The following TMCC1 variants were observed in gnomAD, a reference collection of about 807,000 sequenced individuals.
TMCC1 encodes the protein transmembrane and coiled-coil domains protein 1.
Under a neutral mutation model 52.4 loss-of-function variants are expected in TMCC1, and 15 were observed. The observed-to-expected ratio is 0.29, with a 90% CI of 0.19 to 0.44. The LOEUF is 0.44. TMCC1 is among the 20% of genes least tolerant of loss of function. The pLI, the probability that TMCC1 is intolerant of heterozygous loss-of-function variation, is 1.00. For synonymous variants in TMCC1, 279 were observed against 301.9 expected (o/e 0.92, Z 0.79); for missense variants, 503 against 806.0 (o/e 0.62, Z 4.55).
intron 4 of TMCC1, among the ~76,000 whole-genome samples, chr3:129,777,233 C>T (rs896211987): frequency 9.2e-5 from 14 of 152,096 alleles, no homozygotes; most frequent in East Asian, 1.9e-4. Context: ...ATCTGCAATA[C>T]GATAGGCCGT....
chr3:129,688,745 C>T, intron 4 of TMCC1: 1 of 985,436 alleles, frequency 1.0e-6, no homozygotes, highest in African/African-American at 1.7e-5. Context: ...AATAGTTTGA[C>T]TCTGAGAATG....
intron 2 of TMCC1, among the ~76,000 whole-genome samples, chr3:129,856,534 G>A (rs977951107): frequency 2.6e-5 from 4 of 152,196 alleles, no homozygotes; most frequent in African/African-American, 2.4e-5. Context: ...ATGAATCAAC[G>A]AATAATGCAT....
At chr3:129,662,909 T>C (rs2087151929) in intron 5 of TMCC1, among the ~76,000 whole-genome samples, 1 of 152,184 alleles carries the variant, frequency 6.6e-6, no homozygotes, top group Non-Finnish European at 1.5e-5. Flanking sequence ...ACAGAAAGCC[T>C]TTGCACTGTA....
intron 2 of TMCC1, among the ~76,000 whole-genome samples, chr3:129,843,675 T>A (rs72987370): frequency 0.097 from 14,774 of 151,802 alleles, 847 homozygotes; most frequent in Middle Eastern, 0.16. Flanking sequence ...CTACAAAAAA[T>A]ATAGAAGGAA....
At chr3:129,673,070 T>C (rs979246830) in intron 4 of TMCC1, among the ~76,000 whole-genome samples, 12 of 152,270 alleles carry the variant, frequency 7.9e-5, no homozygotes, top group African/African-American at 2.9e-4. Context: ...AATTTAATAC[T>C]GAAATTAATG....
intron 6 of TMCC1, among the ~76,000 whole-genome samples, chr3:129,653,461 T>C (rs929800063): frequency 4.6e-5 from 7 of 152,252 alleles, no homozygotes; most frequent in African/African-American, 1.7e-4. Context: ...GCTATTTTTT[T>C]GAGACGGAGT....
chr3:129,738,145 C>T (rs2051135541), intron 4 of TMCC1, among the ~76,000 whole-genome samples: 1 of 151,822 alleles, frequency 6.6e-6, no homozygotes, highest in Non-Finnish European at 1.5e-5. Context: ...GTGGTGGGCA[C>T]CTGTAACCCC....
chr3:129,800,223 C>T (rs961560892), intron 4 of TMCC1, among the ~76,000 whole-genome samples: 1 of 152,154 alleles, frequency 6.6e-6, no homozygotes, highest in Non-Finnish European at 1.5e-5. Context: ...AATAATGCCA[C>T]AATTTATCCA....
intron 2 of TMCC1, chr3:129,860,991 T>C (rs1051532255): frequency 6.6e-6 from 1 of 152,314 alleles, no homozygotes; most frequent in Non-Finnish European, 1.5e-5. Flanking sequence ...CTTCCAACCA[T>C]CTTTGTTTTC....
Position 129,853,265 on chromosome 3 carries a change from A to AG in TMCC1, c.-183-20440dup, listed in dbSNP as rs1417215019. On this transcript the variant is annotated intron_variant, in intron 2 of 6. Transcript: ENST00000393238. ...AAACAAATACAAAAATCTAAAGGATAGGGATAGTACCTGTAAGCATACCCC... is the reference window on the plus strand; with the variant it reads ...AAACAAATACAAAAATCTAAAGGATAGGGGATAGTACCTGTAAGCATACCCC... Among the ~76,000 whole-genome samples the AG allele has an allele frequency of 3.9e-5, 6 of 152,346 alleles. No homozygotes were observed. The East Asian group carries it at 1.2e-3, about 29-fold the overall frequency.
In TMCC1 at chr3:129,713,403, T is replaced by C. The variant is rs530300880; in HGVS notation, c.577-42139A>G. Among the ~76,000 whole-genome samples the C allele has an allele frequency of 2.6e-5, 4 of 152,324 alleles. No homozygotes were observed. In the South Asian group the frequency reaches 8.3e-4, roughly 32 times the overall value. ...ACTGGAACTGTTTCATTAAATAACC[T>C]ATGACATTTGGTAAAATATGTATGA... On this transcript the variant is annotated intron_variant, in intron 4 of 6. Coordinates refer to ENST00000393238, the MANE Select transcript of TMCC1 (RefSeq NM_001017395.5).
intron 5 of TMCC1, among the ~76,000 whole-genome samples, chr3:129,661,939 C>T (rs1345306669): frequency 2.0e-5 from 3 of 152,166 alleles, no homozygotes; most frequent in Non-Finnish European, 4.4e-5. Flanking sequence ...ACTTTATTTT[C>T]TAGTGTTTAC....
At chr3:129,825,016 T>C (rs2058595209) in intron 4 of TMCC1, among the ~76,000 whole-genome samples, 1 of 152,218 alleles carries the variant, frequency 6.6e-6, no homozygotes, top group African/African-American at 2.4e-5. Context: ...GTGCTCAAGC[T>C]AGCCCACATC....
chr3:129,654,759 T>G (rs2086565194), intron 6 of TMCC1, among the ~76,000 whole-genome samples: 1 of 152,176 alleles, frequency 6.6e-6, no homozygotes. Flanking sequence ...AAGAAACATT[T>G]CCCAAGTACC....
chr3:129,689,028 C>CAGTCAAAA (rs2108943795), intron 4 of TMCC1, among the ~76,000 whole-genome samples: 1 of 152,302 alleles, frequency 6.6e-6, no homozygotes, highest in East Asian at 1.9e-4. Flanking sequence ...ACTGCCAGAA[C>CAGTCAAAA]AGATTTCCAT....
intron 4 of TMCC1, among the ~76,000 whole-genome samples, chr3:129,721,476 A>G (rs1490622777): frequency 5.9e-5 from 9 of 151,946 alleles, no homozygotes; most frequent in African/African-American, 2.2e-4. Flanking sequence ...TCAGCCTTCC[A>G]AGTAGCTGGG....
At chr3:129,761,469 T>G (rs1267361282) in intron 4 of TMCC1, among the ~76,000 whole-genome samples, 2 of 152,086 alleles carry the variant, frequency 1.3e-5, no homozygotes, top group Non-Finnish European at 2.9e-5. Context: ...AGTGCACTGA[T>G]GCAATCACAG....
At chr3:129,777,615 A>G (rs1456916168) in intron 4 of TMCC1, among the ~76,000 whole-genome samples, 3 of 152,232 alleles carry the variant, frequency 2.0e-5, no homozygotes, top group Admixed American at 2.0e-4. Flanking sequence ...CCTTAGGCCT[A>G]TCTTATTCTA....
chr3:129,700,755 G>A (rs1356743833), intron 4 of TMCC1, among the ~76,000 whole-genome samples: 2 of 150,494 alleles, frequency 1.3e-5, no homozygotes, highest in East Asian at 1.9e-4. Flanking sequence ...GATTACAGGC[G>A]TGAGCCACTG....
Sources: allele counts gnomAD v4.1 joint callset (sites outside exome capture counted in the v4.1 genomes callset), GRCh38; gene constraint gnomAD v4.1.1; transcripts MANE v1.5; gene names NCBI Gene and HGNC (gene_info 2026-07-23, HGNC 2026-07-21).